SRBD1: variants seen among roughly 807,000 people sequenced by gnomAD.
SRBD1 encodes the protein S1 RNA binding domain 1, also known as S1 RNA-binding domain-containing protein 1.
SRBD1 carries 88 observed loss-of-function variants against 115.3 expected under a neutral mutation model. That is an observed-to-expected ratio of 0.76 (90% CI 0.64 to 0.91). The LOEUF (loss-of-function observed/expected upper bound fraction) is 0.91, where lower values mean the gene tolerates loss of function less well. Among genes scored for constraint, SRBD1 ranks in the 40% least tolerant of loss-of-function variants. The pLI, the probability that SRBD1 is intolerant of heterozygous loss-of-function variation, is 0.00. For missense variants in SRBD1, 1,385 were observed against 1,177.4 expected, an observed-to-expected ratio of 1.18 and a Z score of -2.58; for synonymous variants, 509 against 407.7, an observed-to-expected ratio of 1.25 and a Z score of -2.99.
chr2:45,408,180 T>C (rs1174152799), intron 19 of SRBD1, among the ~76,000 whole-genome samples: 5 of 152,264 alleles, frequency 3.3e-5, no homozygotes, highest in African/African-American at 9.6e-5. Flanking sequence ...CCTAATCACA[T>C]CTTAAATGGG....
intron 14 of SRBD1, among the ~76,000 whole-genome samples, chr2:45,521,737 T>C (rs1203176800): frequency 6.6e-6 from 1 of 152,002 alleles, no homozygotes; most frequent in East Asian, 1.9e-4. Context: ...GTGGCCAAAG[T>C]GGGAGGATCA....
chr2:45,398,654 T>A (rs1667212333), intron 19 of SRBD1, among the ~76,000 whole-genome samples: 3 of 152,206 alleles, frequency 2.0e-5, no homozygotes, highest in Non-Finnish European at 4.4e-5. Context: ...AGAGTAAAAA[T>A]TTTTTAAAGT....
chr2:45,574,602 A>G (rs2104155098), intron 8 of SRBD1, 25 bp downstream of exon 8: 1 of 1,605,380 alleles, frequency 6.2e-7, no homozygotes, highest in Non-Finnish European at 8.5e-7. Context: ...CATAAAGCAG[A>G]AAACTCCATA....
intron 20 of SRBD1, among the ~76,000 whole-genome samples, chr2:45,389,817 C>G (rs1666948411): frequency 6.6e-6 from 1 of 152,168 alleles, no homozygotes; most frequent in Non-Finnish European, 1.5e-5. Context: ...AGAAAATTTA[C>G]TTCCTTCTAC....
chr2:45,478,364 C>A (rs1247860470), intron 15 of SRBD1, among the ~76,000 whole-genome samples: 2 of 152,160 alleles, frequency 1.3e-5, no homozygotes, highest in Admixed American at 6.5e-5. Flanking sequence ...ATCTACTTAT[C>A]TACTGTGAAC....
At chr2:45,491,097 C>T (rs990609769) in intron 14 of SRBD1, among the ~76,000 whole-genome samples, 3 of 152,024 alleles carry the variant, frequency 2.0e-5, no homozygotes, top group Non-Finnish European at 2.9e-5. Context: ...TTTTTCCAGA[C>T]ATTGCTAAGA....
chr2:45,571,534 A>AAAAAAAAAAAAAAC, intron 9 of SRBD1, among the ~76,000 whole-genome samples: 1 of 149,798 alleles, frequency 6.7e-6, no homozygotes, highest in Non-Finnish European at 1.5e-5. Flanking sequence ...AAAAAAAAAA[A>AAAAAAAAAAAAAAC]AAAAAAAACT....
intron 14 of SRBD1, among the ~76,000 whole-genome samples, chr2:45,536,849 C>T (rs573813373): frequency 6.6e-6 from 1 of 152,146 alleles, no homozygotes; most frequent in Admixed American, 6.5e-5. Context: ...GGCCAATCTT[C>T]TCTCTTAACT....
chr2:45,581,637 G>A (rs1380762352), intron 6 of SRBD1, 56 bp downstream of exon 6: 1 of 1,319,144 alleles, frequency 7.6e-7, no homozygotes, highest in Non-Finnish European at 1.1e-6. Flanking sequence ...ATCATAAGAA[G>A]ACCCAAATTG....
intron 4 of SRBD1, among the ~76,000 whole-genome samples, chr2:45,590,941 C>A (rs1412290988): frequency 6.6e-6 from 1 of 151,178 alleles, no homozygotes; most frequent in Non-Finnish European, 1.5e-5. Flanking sequence ...CACTTGAACC[C>A]GGGAGGCAGA....
chr2:45,603,471 C>T (rs1674165323), intron 2 of SRBD1, among the ~76,000 whole-genome samples: 1 of 152,140 alleles, frequency 6.6e-6, no homozygotes, highest in African/African-American at 2.4e-5. Flanking sequence ...AGTCCTCAGC[C>T]CTCTATGCTC....
chr2:45,443,603 G>T (rs533641055), intron 16 of SRBD1, among the ~76,000 whole-genome samples: 3 of 152,150 alleles, frequency 2.0e-5, no homozygotes, highest in African/African-American at 7.2e-5. Context: ...GGTGTTTAAG[G>T]TAGAAACTGT....
chr2:45,453,994 TA>T (rs1173260925), intron 16 of SRBD1, among the ~76,000 whole-genome samples: 1 of 151,926 alleles, frequency 6.6e-6, no homozygotes, highest in Non-Finnish European at 1.5e-5. Context: ...CCAACATTCT[TA>T]TATACACAGT....
intron 19 of SRBD1, among the ~76,000 whole-genome samples, chr2:45,401,564 C>CT (rs1322052033): frequency 6.6e-6 from 1 of 152,168 alleles, no homozygotes; most frequent in African/African-American, 2.4e-5. Context: ...TCTCTTAGGT[C>CT]TGTTTACCTA....
chr2:45,422,203 T>C (rs947302614), intron 16 of SRBD1, among the ~76,000 whole-genome samples: 2 of 152,156 alleles, frequency 1.3e-5, no homozygotes, highest in African/African-American at 2.4e-5. Flanking sequence ...TCCTAGCACA[T>C]CAGATGCTTA....
In SRBD1 at chr2:45,571,005, C is replaced by T. The variant is rs537108411; in HGVS notation, c.1305+2202G>A. Among the ~76,000 whole-genome samples the T allele has an allele frequency of 2.6e-5, 4 of 152,196 alleles. No individual in the cohort carries two copies. In the East Asian group the frequency reaches 5.8e-4, roughly 22 times the overall value. On this transcript the variant is annotated intron_variant, in intron 9 of 20. Transcript: ENST00000263736. Reference sequence around the variant, plus strand: ...AACAAAAAACCTGTGAAAAAATAAACTTGGAAATGAGATATTTGAGGGAAA... The same window carrying T: ...AACAAAAAACCTGTGAAAAAATAAATTTGGAAATGAGATATTTGAGGGAAA...
chr2:45,509,870 G>A (rs1200006386), intron 14 of SRBD1, among the ~76,000 whole-genome samples: 2 of 152,082 alleles, frequency 1.3e-5, no homozygotes, highest in South Asian at 4.1e-4. Flanking sequence ...GAGTAGCTGG[G>A]ATTACAGGCG....
At chr2:45,488,860 G>GAA (rs928260887) in intron 14 of SRBD1, among the ~76,000 whole-genome samples, 11 of 142,900 alleles carry the variant, frequency 7.7e-5, no homozygotes, top group South Asian at 4.4e-4. Flanking sequence ...ACCACAACAT[G>GAA]AAAAAAAAAA....
chr2:45,441,870 G>A lies in SRBD1; in HGVS notation c.2050-21976C>T, dbSNP rs547886697. On this transcript the variant is annotated intron_variant, in intron 16 of 20. Coordinates refer to ENST00000263736, the MANE Select transcript of SRBD1 (RefSeq NM_018079.5). The stretch of plus-strand genomic sequence containing the variant: ...AATTTAAGATGTCCTAACATGTTAA[G>A]ACTGACCATAGCCATAGGCCCTCCC... Among the ~76,000 whole-genome samples the A allele has an allele frequency of 2.0e-5, 3 of 152,286 alleles. No individual in the cohort carries two copies. In the South Asian group the frequency reaches 6.2e-4, roughly 32 times the overall value.
Sources: gnomAD v4.1 joint callset for allele counts (sites outside exome capture counted in the v4.1 genomes callset) on GRCh38, gnomAD v4.1.1 for gene constraint, MANE v1.5 for transcripts, NCBI Gene and HGNC (gene_info 2026-07-23, HGNC 2026-07-21) for gene names.